NEK11: variants seen among roughly 807,000 people sequenced by gnomAD.
The protein encoded by NEK11 is serine/threonine-protein kinase Nek11.
NEK11 carries 72 observed loss-of-function variants against 80.7 expected under a neutral mutation model. That is an observed-to-expected ratio of 0.89 (90% CI 0.74 to 1.08). The LOEUF is 1.08. Among genes scored for constraint, NEK11 ranks in the 50% least tolerant of loss-of-function variants. NEK11 has a pLI of 0.00. For synonymous variants in NEK11, 251 were observed against 260.7 expected (o/e 0.96, Z 0.36); for missense variants, 764 against 763.6 (o/e 1.00, Z -0.01).
rs375298735 is a variant in NEK11, at chr3:131,029,683, G to T, written c.-26G>T. 3 of 1,605,150 alleles carry T rather than the reference G, an allele frequency of 1.9e-6. No individual in the cohort carries two copies. Among genetic ancestry groups the T allele is most frequent in the African/African-American group, 2.7e-5 (2 of 74,562 alleles). On this transcript the variant is annotated 5_prime_UTR_variant, in exon 3 of 18. An upstream start codon of the reference 5' UTR is lost. Coordinates refer to ENST00000383366, the MANE Select transcript of NEK11 (RefSeq NM_024800.5). ...GAATGTTAAGTTTCTATAAATGAAT[G>T]AACCAGTTCTCTCTTGTTTGGAGCA...
chr3:131,097,450 C>A (rs1338339336), intron 4 of NEK11, among the ~76,000 whole-genome samples: 2 of 152,030 alleles, frequency 1.3e-5, no homozygotes, highest in Admixed American at 6.6e-5. Context: ...GATGGTATCT[C>A]ATTGTGGTTT....
At chr3:131,061,047 G>A (rs375356426) in intron 3 of NEK11, among the ~76,000 whole-genome samples, 3 of 152,164 alleles carry the variant, frequency 2.0e-5, no homozygotes, top group African/African-American at 7.2e-5. Context: ...TAAATCACTT[G>A]TAGCAGAATC....
intron 3 of NEK11, among the ~76,000 whole-genome samples, chr3:131,056,886 T>C (rs1299977030): frequency 2.0e-5 from 3 of 151,932 alleles, no homozygotes; most frequent in Non-Finnish European, 4.4e-5. Flanking sequence ...TTTTCTGTTG[T>C]TGTTGTTTTT....
chr3:131,285,394 C>T (rs1351269308), intron 17 of NEK11, among the ~76,000 whole-genome samples: 2 of 152,154 alleles, frequency 1.3e-5, no homozygotes, highest in African/African-American at 4.8e-5. Flanking sequence ...GGGGGCTGAG[C>T]TCAAGAGCCC....
At chr3:131,262,668 G>C (rs2095950588) in intron 16 of NEK11, among the ~76,000 whole-genome samples, 1 of 152,074 alleles carries the variant, frequency 6.6e-6, no homozygotes, top group Non-Finnish European at 1.5e-5. Flanking sequence ...GGCAAAATTA[G>C]GGTTTTGTAT....
intron 3 of NEK11, among the ~76,000 whole-genome samples, chr3:131,040,652 T>C (rs1428812521): frequency 1.3e-5 from 2 of 152,194 alleles, no homozygotes; most frequent in Non-Finnish European, 2.9e-5. Context: ...TACCAGCCAA[T>C]TTTATTGTTT....
At chr3:131,100,232 TTTTG>T (rs2078161269) in intron 4 of NEK11, among the ~76,000 whole-genome samples, 1 of 152,186 alleles carries the variant, frequency 6.6e-6, no homozygotes, top group Non-Finnish European at 1.5e-5. Context: ...TCGCTTTTAA[TTTTG>T]TTTATGTGGT....
intron 17 of NEK11, among the ~76,000 whole-genome samples, chr3:131,323,542 C>T (rs2096920287): frequency 6.6e-6 from 1 of 152,142 alleles, no homozygotes; most frequent in Non-Finnish European, 1.5e-5. Flanking sequence ...CATTTCCGGC[C>T]AGTGTTCTAT....
chr3:131,247,293 G>A (rs1261874248), intron 16 of NEK11, among the ~76,000 whole-genome samples: 1 of 152,086 alleles, frequency 6.6e-6, no homozygotes, highest in Admixed American at 6.6e-5. Context: ...GTTGATTTTT[G>A]TATAAGGTGA....
intron 17 of NEK11, among the ~76,000 whole-genome samples, chr3:131,311,281 G>A (rs544932312): frequency 1.3e-5 from 2 of 152,242 alleles, no homozygotes; most frequent in Admixed American, 1.3e-4. Context: ...CTCTCTTGTA[G>A]CTATTTTGAA....
chr3:131,121,833 A>G (rs2082434379), intron 5 of NEK11, among the ~76,000 whole-genome samples: 1 of 152,134 alleles, frequency 6.6e-6, no homozygotes. Flanking sequence ...AGACCATTGG[A>G]AAAGCACAGT....
intron 3 of NEK11, among the ~76,000 whole-genome samples, chr3:131,043,021 CCTGA>C (rs1246165421): frequency 2.6e-5 from 4 of 152,162 alleles, no homozygotes; most frequent in African/African-American, 4.8e-5. Context: ...AGAAGAGGGG[CCTGA>C]CTGTTAGAAG....
chr3:131,349,389 G>A (rs560739256), intron 17 of NEK11, among the ~76,000 whole-genome samples, 168 bp from the exon 18 acceptor site: 1 of 152,108 alleles, frequency 6.6e-6, no homozygotes, highest in Admixed American at 6.5e-5. Context: ...GGCATTATTT[G>A]TTGAATACTG....
At chr3:131,068,108 A>G (rs2072396359) in intron 3 of NEK11, among the ~76,000 whole-genome samples, 1 of 152,016 alleles carries the variant, frequency 6.6e-6, no homozygotes. Flanking sequence ...ATGGAGGGGG[A>G]CACAGTCCCT....
At chr3:131,033,765 G>C (rs944240451) in intron 3 of NEK11, among the ~76,000 whole-genome samples, 48 of 152,054 alleles carry the variant, frequency 3.2e-4, no homozygotes, top group African/African-American at 1.1e-3. Context: ...TTCTGAATTA[G>C]CTGTGAGATT....
At chr3:131,269,389 C>A (rs2096131085) in intron 16 of NEK11, among the ~76,000 whole-genome samples, 2 of 152,222 alleles carry the variant, frequency 1.3e-5, no homozygotes, top group Admixed American at 6.5e-5. Context: ...ACCCAGGGCC[C>A]TGGTGGCATA....
chr3:131,089,169 A>T lies in NEK11; in HGVS notation c.336+8581A>T, dbSNP rs551757773. On this transcript the variant is annotated intron_variant, in intron 4 of 17. Transcript: ENST00000383366. ...ATATTATTGCCTAGCATCATGCCTC[A>T]AAGTTTGTTCCATGGACCACCTGTC... is the stretch of plus-strand genomic sequence containing the variant. Among the ~76,000 whole-genome samples the T allele has an allele frequency of 3.4e-3, 521 of 152,334 alleles. 2 individuals are homozygous for T. Among genetic ancestry groups the T allele is most frequent in the African/African-American group, 0.012 (479 of 41,574 alleles).
At chr3:131,035,506 T>C (rs2065504907) in intron 3 of NEK11, among the ~76,000 whole-genome samples, 1 of 152,222 alleles carries the variant, frequency 6.6e-6, no homozygotes, top group Admixed American at 6.5e-5. Flanking sequence ...CTAACTGGCA[T>C]GGAGTCAAAA....
intron 5 of NEK11, among the ~76,000 whole-genome samples, chr3:131,129,492 G>T (rs2084018805): frequency 6.6e-6 from 1 of 152,120 alleles, no homozygotes; most frequent in Non-Finnish European, 1.5e-5. Flanking sequence ...TTCATGGATT[G>T]TGACTTTGGT....
Sources: gnomAD v4.1 joint callset for allele counts (sites outside exome capture counted in the v4.1 genomes callset) on GRCh38, gnomAD v4.1.1 for gene constraint, MANE v1.5 for transcripts, NCBI Gene and HGNC (gene_info 2026-07-23, HGNC 2026-07-21) for gene names.